The following SYN3 variants were observed in gnomAD, a reference collection of about 807,000 sequenced individuals.
The protein encoded by SYN3 is synapsin III.
A neutral mutation model predicts 65.8 loss-of-function variants in SYN3; 35 were observed. The ratio of observed to expected loss-of-function variants is 0.53; its 90% CI spans 0.41 to 0.70. The LOEUF is 0.70. Ranked by LOEUF, SYN3 falls within the 30% of genes least tolerant of loss-of-function variation. The pLI, the probability that SYN3 is intolerant of heterozygous loss-of-function variation, is 0.00. For synonymous variants in SYN3, 270 were observed against 292.9 expected, an observed-to-expected ratio of 0.92 and a Z score of 0.80; for missense variants, 680 against 749.0, an observed-to-expected ratio of 0.91 and a Z score of 1.08.
chr22:32,893,263 T>C (rs1311868993), intron 4 of SYN3, among the ~76,000 whole-genome samples: 3 of 152,194 alleles, frequency 2.0e-5, no homozygotes, highest in Non-Finnish European at 2.9e-5. Context: ...CAACTATACA[T>C]TGGGATTAAT....
At chr22:32,940,369 T>C (rs952072479) in intron 3 of SYN3, among the ~76,000 whole-genome samples, 1 of 130,714 alleles carries the variant, frequency 7.7e-6, no homozygotes, top group African/African-American at 2.8e-5. Flanking sequence ...CATATGTATA[T>C]ATGAAGTACA....
intron 1 of SYN3, among the ~76,000 whole-genome samples, chr22:33,054,093 T>TAA (rs2054216253): frequency 6.6e-6 from 1 of 152,138 alleles, no homozygotes; most frequent in African/African-American, 2.4e-5. Flanking sequence ...CTCCTATGAA[T>TAA]AGTTATAAAG....
chr22:32,597,995 G>A (rs184405541), intron 6 of SYN3, among the ~76,000 whole-genome samples: 1 of 152,206 alleles, frequency 6.6e-6, no homozygotes, highest in Non-Finnish European at 1.5e-5. Context: ...TTTTGAGGGT[G>A]TTTTCTTGAT....
intron 3 of SYN3, among the ~76,000 whole-genome samples, chr22:32,937,420 G>A (rs193255220): frequency 6.6e-6 from 1 of 152,280 alleles, no homozygotes; most frequent in African/African-American, 2.4e-5. Context: ...ATAAAGAAAA[G>A]AGATTTAATC....
intron 5 of SYN3, among the ~76,000 whole-genome samples, chr22:32,868,269 TATA>T (rs1478449281): frequency 1.3e-5 from 2 of 151,660 alleles, no homozygotes; most frequent in African/African-American, 2.4e-5. Flanking sequence ...CATAATGTTA[TATA>T]ATAACATGTT....
intron 6 of SYN3, among the ~76,000 whole-genome samples, chr22:32,844,026 TG>T (rs1397030028): frequency 6.6e-6 from 1 of 152,186 alleles, no homozygotes. Flanking sequence ...CTTCCGTTGA[TG>T]CTACCATGGG....
chr22:32,577,828 A>G lies in SYN3; in HGVS notation c.774+18846T>C, dbSNP rs895848252. Among the ~76,000 whole-genome samples, 12 of 152,130 alleles carry G rather than the reference A, an allele frequency of 7.9e-5. 1 individual carries two copies. Among genetic ancestry groups the G allele is most frequent in the Non-Finnish European group, 1.2e-4 (8 of 68,034 alleles). The stretch of plus-strand genomic sequence containing the variant: ...TCATGCCCTTCCTCCACATGTCCAC[A>G]TGACTCACTCTCTCCTTCCTTTACA... On this transcript the variant is annotated intron_variant, in intron 7 of 13. Coordinates refer to ENST00000358763, the MANE Select transcript of SYN3 (RefSeq NM_003490.4).
intron 6 of SYN3, among the ~76,000 whole-genome samples, chr22:32,643,676 C>T (rs1312596754): frequency 6.6e-6 from 1 of 151,524 alleles, no homozygotes; most frequent in Non-Finnish European, 1.5e-5. Context: ...TTTCAAACCT[C>T]TAATATTTTA....
Position 32,693,909 on chromosome 22 carries a change from T to C in SYN3, c.712-97173A>G, listed in dbSNP as rs1001118434. ...GTAACTTATACTTTTATTGAACATC[T>C]TTATTTTTGTAGAAATGTACATTCT... On this transcript the variant is annotated intron_variant, in intron 6 of 13. Transcript: ENST00000358763. 1.4e-4 allele frequency among the ~76,000 whole-genome samples: 21 copies of C among 152,258 alleles called. No homozygotes were observed. The South Asian group carries it at 3.9e-3, about 29-fold the overall frequency.
chr22:32,998,791 A>AC (rs1556121668), intron 2 of SYN3, among the ~76,000 whole-genome samples: 5 of 142,326 alleles, frequency 3.5e-5, no homozygotes, highest in South Asian at 2.2e-4. Context: ...AAAAAAAAAA[A>AC]AAAAAAAACA....
intron 6 of SYN3, among the ~76,000 whole-genome samples, chr22:32,780,971 TTCCTTCCC>T (rs1451414064): frequency 6.1e-5 from 4 of 65,772 alleles, no homozygotes; most frequent in Admixed American, 4.7e-4. Flanking sequence ...CCTTCCTTCC[TTCCTTCCC>T]TCCTTCCTTC....
Position 32,709,263 on chromosome 22 carries a change from G to T in SYN3, c.712-112527C>A, listed in dbSNP as rs150760666. ...TTCATTCCAATGATTCAGGGTTGTT[G>T]TGGGAATTCTGAGGAACAACTTGAA... On this transcript the variant is annotated intron_variant, in intron 6 of 13. Coordinates refer to ENST00000358763, the MANE Select transcript of SYN3 (RefSeq NM_003490.4). Among the ~76,000 whole-genome samples the T allele has an allele frequency of 7.2e-5, 11 of 152,318 alleles. No individual in the cohort carries two copies. In the East Asian group the frequency reaches 1.9e-3, roughly 27 times the overall value.
intron 10 of SYN3, among the ~76,000 whole-genome samples, chr22:32,530,934 A>C (rs1328509834): frequency 1.3e-5 from 2 of 151,866 alleles, no homozygotes; most frequent in East Asian, 3.9e-4. Context: ...TGAACCTGGG[A>C]GTGTCGGAGG....
intron 6 of SYN3, among the ~76,000 whole-genome samples, chr22:32,610,073 G>A (rs2059420920): frequency 6.6e-6 from 1 of 152,128 alleles, no homozygotes; most frequent in Admixed American, 6.5e-5. Flanking sequence ...ACAAGGTCAG[G>A]AGCTTGAGAC....
intron 6 of SYN3, among the ~76,000 whole-genome samples, chr22:32,659,246 G>C (rs2060184073): frequency 6.6e-6 from 1 of 152,214 alleles, no homozygotes; most frequent in Non-Finnish European, 1.5e-5. Context: ...GGGAGCCATT[G>C]ATGGTCTAAG....
At chr22:32,643,402 T>C (rs1223580086) in intron 6 of SYN3, among the ~76,000 whole-genome samples, 2 of 152,102 alleles carry the variant, frequency 1.3e-5, no homozygotes, top group African/African-American at 4.8e-5. Flanking sequence ...TGAGCAGGGA[T>C]GTGAAGGATG....
chr22:32,882,716 ATTT>A (rs34826132), intron 4 of SYN3, among the ~76,000 whole-genome samples: 4 of 147,522 alleles, frequency 2.7e-5, no homozygotes, highest in Non-Finnish European at 6.0e-5. Context: ...ATAGTTCAGA[ATTT>A]TTTTTTTTTT....
chr22:32,538,507 A>G (rs539235021), intron 8 of SYN3, among the ~76,000 whole-genome samples: 2 of 152,084 alleles, frequency 1.3e-5, no homozygotes, highest in African/African-American at 4.8e-5. Flanking sequence ...GAGAGAAGTG[A>G]CTACTTTTCT....
intron 7 of SYN3, among the ~76,000 whole-genome samples, chr22:32,570,906 CAGTT>C (rs970865790): frequency 1.3e-5 from 2 of 152,230 alleles, no homozygotes; most frequent in African/African-American, 4.8e-5. Context: ...ATAATTTTAA[CAGTT>C]AGATATTTAT....
Sources: allele counts gnomAD v4.1 joint callset (sites outside exome capture counted in the v4.1 genomes callset), GRCh38; gene constraint gnomAD v4.1.1; transcripts MANE v1.5; gene names NCBI Gene and HGNC (gene_info 2026-07-23, HGNC 2026-07-21).